Variants in NKAIN3 observed in about 807,000 individuals in gnomAD.
NKAIN3 encodes the protein sodium/potassium transporting ATPase interacting 3.
A neutral mutation model predicts 30.2 loss-of-function variants in NKAIN3; 25 were observed. That is an observed-to-expected ratio of 0.83 (90% confidence interval 0.60 to 1.16). The LOEUF (loss-of-function observed/expected upper bound fraction) is 1.16, where lower values mean the gene tolerates loss of function less well. NKAIN3 is among the 50% of genes most tolerant of loss of function. The pLI, the probability that NKAIN3 is intolerant of heterozygous loss-of-function variation, is 0.00. For synonymous variants in NKAIN3, 91 were observed against 89.6 expected (o/e 1.02, Z -0.09); for missense variants, 225 against 254.1 (o/e 0.89, Z 0.78).
At chr8:62,871,351 C>T (rs72655014) in intron 4 of NKAIN3, among the ~76,000 whole-genome samples, 42,693 of 147,270 alleles carry the variant, frequency 0.29, 6,414 homozygotes, top group African/African-American at 0.35. Context: ...TGCAGTTGGC[C>T]GAGATCTTGC....
In NKAIN3 at chr8:62,738,329, G is replaced by C. The variant is rs1364409965; in HGVS notation, c.274-8603G>C. 3.3e-5 allele frequency among the ~76,000 whole-genome samples: 5 copies of C among 152,114 alleles called. No individual in the cohort carries two copies. In the East Asian group the frequency reaches 7.7e-4, roughly 23 times the overall value. ...GCATGTCTTCTTTTGGCCAGGCACG[G>C]TGGCTCACACTTGCAATCCCAGAAA... On this transcript the variant is annotated intron_variant, in intron 3 of 6. Transcript: ENST00000623646.
At chr8:62,833,139 T>C (rs1029712734) in intron 4 of NKAIN3, among the ~76,000 whole-genome samples, 4 of 151,936 alleles carry the variant, frequency 2.6e-5, no homozygotes, top group African/African-American at 9.7e-5. Flanking sequence ...TTCTTTGAAA[T>C]AAATGAAAAC....
intron 3 of NKAIN3, among the ~76,000 whole-genome samples, chr8:62,611,370 G>T (rs891106951): frequency 1.3e-5 from 2 of 152,018 alleles, no homozygotes; most frequent in Non-Finnish European, 2.9e-5. Context: ...TCACCCTATT[G>T]TGCTATCAAG....
chr8:62,650,372 C>CA (rs1812587672), intron 3 of NKAIN3, among the ~76,000 whole-genome samples: 1 of 152,150 alleles, frequency 6.6e-6, no homozygotes, highest in Non-Finnish European at 1.5e-5. Flanking sequence ...AATCCGTCAT[C>CA]AAGCAAATAA....
At chr8:62,939,856 G>C (rs937825475) in intron 5 of NKAIN3, among the ~76,000 whole-genome samples, 1 of 151,036 alleles carries the variant, frequency 6.6e-6, no homozygotes, top group Non-Finnish European at 1.5e-5. Context: ...GAAAAAAAAA[G>C]CAAGGTATTC....
At chr8:62,551,032 G>A (rs1809190612) in intron 1 of NKAIN3, among the ~76,000 whole-genome samples, 1 of 152,108 alleles carries the variant, frequency 6.6e-6, no homozygotes, top group South Asian at 2.1e-4. Context: ...CTTTGCATGG[G>A]TCCTGGCATC....
intron 3 of NKAIN3, among the ~76,000 whole-genome samples, chr8:62,669,954 T>A (rs1319397045): frequency 6.6e-6 from 1 of 152,170 alleles, no homozygotes; most frequent in Non-Finnish European, 1.5e-5. Flanking sequence ...AGTTTTGTGC[T>A]TCTTGATTAT....
intron 4 of NKAIN3, chr8:62,855,434 G>T: frequency 8.9e-7 from 1 of 1,117,710 alleles, no homozygotes; most frequent in South Asian, 1.2e-5. Context: ...CTCCTCTTCT[G>T]AATACTTCAT....
intron 1 of NKAIN3, among the ~76,000 whole-genome samples, chr8:62,395,368 G>T (rs1563379205): frequency 6.6e-6 from 1 of 152,028 alleles, no homozygotes; most frequent in African/African-American, 2.4e-5. Context: ...GGAGGTGGTG[G>T]TGGGGGGTGG....
chr8:62,255,361 G>C lies in NKAIN3; in HGVS notation c.54+6234G>C, dbSNP rs191146558. Among the ~76,000 whole-genome samples, 278 of 152,300 alleles carry C rather than the reference G, an allele frequency of 1.8e-3. 1 individual carries two copies. Among genetic ancestry groups the C allele is most frequent in the African/African-American group, 6.4e-3 (267 of 41,558 alleles). ...TCCAAGGTGCCACATGAAGACTGAG[G>C]ATTGGAGTGAGCCAGGGATTGCTGG... On this transcript the variant is annotated intron_variant, in intron 1 of 6. Coordinates refer to ENST00000623646, the MANE Select transcript of NKAIN3 (RefSeq NM_001304533.3).
At chr8:62,532,045 A>G (rs543944322) in intron 1 of NKAIN3, among the ~76,000 whole-genome samples, 46 of 152,266 alleles carry the variant, frequency 3.0e-4, no homozygotes, top group Admixed American at 7.8e-4. Context: ...GAAGCACCCA[A>G]CAGATGCATT....
At position 62,949,808 on chromosome 8, in the gene NKAIN3, C is replaced by T. The variant is rs186321697; in HGVS notation, c.533-4094C>T. 2.6e-5 allele frequency among the ~76,000 whole-genome samples: 4 copies of T among 152,210 alleles called. No homozygotes were observed. In the East Asian group the frequency reaches 5.8e-4, roughly 22 times the overall value. ...ACTCAATTTCACTGTACTGCAGGCT[C>T]CCAGCAAGCTGTGCCCTGATGCTTC... is the stretch of plus-strand genomic sequence containing the variant. On this transcript the variant is annotated intron_variant, in intron 5 of 6. Coordinates refer to ENST00000623646, the MANE Select transcript of NKAIN3 (RefSeq NM_001304533.3).
chr8:62,858,332 A>T (rs55933624), intron 4 of NKAIN3, among the ~76,000 whole-genome samples: 12,534 of 152,060 alleles, frequency 0.082, 573 homozygotes, highest in South Asian at 0.14. Flanking sequence ...TCAGAAGAAA[A>T]GTGATCTAGT....
At chr8:62,627,029 A>C (rs956140865) in intron 3 of NKAIN3, among the ~76,000 whole-genome samples, 1 of 152,192 alleles carries the variant, frequency 6.6e-6, no homozygotes, top group Non-Finnish European at 1.5e-5. Flanking sequence ...GAAAGAACTA[A>C]GGAAGAAAGT....
At chr8:62,559,062 AT>A (rs1298257151) in intron 1 of NKAIN3, among the ~76,000 whole-genome samples, 1 of 151,952 alleles carries the variant, frequency 6.6e-6, no homozygotes, top group Non-Finnish European at 1.5e-5. Flanking sequence ...ATTCTTTTTA[AT>A]TTGTTGAAAT....
At chr8:62,899,110 G>A (rs1321692456) in intron 4 of NKAIN3, among the ~76,000 whole-genome samples, 1 of 152,138 alleles carries the variant, frequency 6.6e-6, no homozygotes, top group Non-Finnish European at 1.5e-5. Flanking sequence ...GGAGAAAAGG[G>A]AACCCTTGTA....
intron 1 of NKAIN3, among the ~76,000 whole-genome samples, chr8:62,340,540 C>T (rs1277284147): frequency 6.6e-6 from 1 of 151,984 alleles, no homozygotes; most frequent in Non-Finnish European, 1.5e-5. Context: ...CTGCCAATCC[C>T]TTTCAGAAGT....
rs757302948 is a variant in NKAIN3, at chr8:62,476,441, GT to G, written c.55-103087del. ...TTTGTTTCTATGGTGATTTTTTGTA[GT>G]TTTTTTTTTTCATTTGTTTGTTTTG... is the stretch of plus-strand genomic sequence containing the variant. On this transcript the variant is annotated intron_variant, in intron 1 of 6. Coordinates refer to ENST00000623646, the MANE Select transcript of NKAIN3 (RefSeq NM_001304533.3). Among the ~76,000 whole-genome samples the G allele has an allele frequency of 2.3e-3, 332 of 145,926 alleles. 2 individuals are homozygous for G. Among genetic ancestry groups the G allele is most frequent in the African/African-American group, 6.5e-3 (261 of 40,018 alleles).
In NKAIN3 at chr8:62,979,462, C is replaced by G. The variant is rs972021598; in HGVS notation, c.*14055C>G. On this transcript the variant is annotated 3_prime_UTR_variant, in exon 7 of 7. Coordinates refer to ENST00000623646, the MANE Select transcript of NKAIN3 (RefSeq NM_001304533.3). ...ATCAAACTTCAACAGTCGAGTGTACCCTTTTCTAAATAATCACGTTGCTAA... is the reference window on the plus strand; with the variant it reads ...ATCAAACTTCAACAGTCGAGTGTACGCTTTTCTAAATAATCACGTTGCTAA... 2 of 152,132 alleles carry G rather than the reference C, an allele frequency of 1.3e-5. No homozygotes were observed. The highest frequency in any genetic ancestry group is 6.5e-5 in the Admixed American group (1 of 15,270). The allele number at this position is 152,132 out of a possible 1,614,324, so 9.4% of individuals were successfully genotyped here. A position where few individuals can be genotyped will look rare whatever the true frequency, so the allele number is the denominator to read the frequency against.
Sources: allele counts gnomAD v4.1 joint callset (sites outside exome capture counted in the v4.1 genomes callset), GRCh38; gene constraint gnomAD v4.1.1; transcripts MANE v1.5; gene names NCBI Gene and HGNC (gene_info 2026-07-23, HGNC 2026-07-21).